Variants in PLPPR1 observed in about 807,000 individuals in gnomAD.
PLPPR1 encodes phospholipid phosphatase-related protein type 1.
In PLPPR1, 10 loss-of-function variants were observed where a neutral mutation model predicts 33.1. The ratio of observed to expected loss-of-function variants is 0.30; its 90% CI spans 0.19 to 0.51. The LOEUF (loss-of-function observed/expected upper bound fraction) is 0.51, where lower values mean the gene tolerates loss of function less well. Ranked by LOEUF, PLPPR1 falls within the 20% of genes least tolerant of loss-of-function variation. The probability of loss-of-function intolerance (pLI) is 0.97; values close to 1 mark genes in which losing one functional copy is unlikely to be tolerated. For synonymous variants in PLPPR1, 151 were observed against 151.0 expected, an observed-to-expected ratio of 1.00 and a Z score of 0.00; for missense variants, 304 against 408.1, an observed-to-expected ratio of 0.74 and a Z score of 2.20.
At chr9:101,180,261 C>A (rs768220491) in intron 1 of PLPPR1, among the ~76,000 whole-genome samples, 18 of 148,408 alleles carry the variant, frequency 1.2e-4, no homozygotes, top group Non-Finnish European at 1.6e-4. Flanking sequence ...TGATTATGTC[C>A]CTCTGGAAAA....
intron 3 of PLPPR1, among the ~76,000 whole-genome samples, chr9:101,284,714 TTC>T (rs1265005120): frequency 6.6e-6 from 1 of 152,196 alleles, no homozygotes; most frequent in Non-Finnish European, 1.5e-5. Flanking sequence ...ACTTTTTAAT[TTC>T]TGTTATCCAT....
chr9:101,178,747 A>T (rs2915415), intron 1 of PLPPR1, among the ~76,000 whole-genome samples: 1 of 152,102 alleles, frequency 6.6e-6, no homozygotes, highest in Non-Finnish European at 1.5e-5. Context: ...CCAGAAGGCC[A>T]TGTATGCTCC....
At chr9:101,109,852 C>T (rs772004081) in intron 1 of PLPPR1, among the ~76,000 whole-genome samples, 29 of 152,038 alleles carry the variant, frequency 1.9e-4, no homozygotes, top group Non-Finnish European at 3.1e-4. Flanking sequence ...TAATATCTGC[C>T]ACTGGGCAGA....
intron 1 of PLPPR1, among the ~76,000 whole-genome samples, chr9:101,047,622 AT>A (rs1170681333): frequency 6.6e-6 from 1 of 151,300 alleles, no homozygotes; most frequent in East Asian, 1.9e-4. Context: ...CTCTCTTTTC[AT>A]TTTTTCAGCT....
intron 1 of PLPPR1, among the ~76,000 whole-genome samples, chr9:101,181,113 G>GATATATATTAGATATATTATATATCTA (rs1359144599): frequency 8.9e-4 from 131 of 146,760 alleles, no homozygotes; most frequent in African/African-American, 2.6e-3. Context: ...ATGGCCAACA[G>GATATATATTAGATATATTATATATCTA]ATATATATTA....
intron 2 of PLPPR1, among the ~76,000 whole-genome samples, chr9:101,200,006 C>T (rs1191268985): frequency 6.6e-6 from 1 of 152,182 alleles, no homozygotes. Flanking sequence ...CTCATTTTCT[C>T]ATGATCTATC....
Position 101,175,351 on chromosome 9 carries a change from A to C in PLPPR1, c.-45-10099A>C, listed in dbSNP as rs561017111. ...TTGGCATAAAACTGAATATATTAATATTATATATTGAAAACATTTTTGTCT... is the reference window on the plus strand; with the variant it reads ...TTGGCATAAAACTGAATATATTAATCTTATATATTGAAAACATTTTTGTCT... On this transcript the variant is annotated intron_variant, in intron 1 of 7. Transcript: ENST00000374874. 2.6e-5 allele frequency among the ~76,000 whole-genome samples: 4 copies of C among 152,232 alleles called. No homozygotes were observed. In the South Asian group the frequency reaches 8.3e-4, roughly 32 times the overall value.
intron 1 of PLPPR1, among the ~76,000 whole-genome samples, chr9:101,147,687 T>G (rs2118643753): frequency 6.6e-6 from 1 of 152,300 alleles, no homozygotes; most frequent in African/African-American, 2.4e-5. Context: ...GCAGGTATTT[T>G]GGGAGTGTGG....
intron 2 of PLPPR1, among the ~76,000 whole-genome samples, chr9:101,221,012 A>G (rs1419931706): frequency 6.6e-6 from 1 of 152,214 alleles, no homozygotes; most frequent in Non-Finnish European, 1.5e-5. Flanking sequence ...AACAATGTTA[A>G]CATGACTCCT....
At chr9:101,159,222 A>G (rs1380788533) in intron 1 of PLPPR1, among the ~76,000 whole-genome samples, 2 of 152,216 alleles carry the variant, frequency 1.3e-5, no homozygotes, top group East Asian at 1.9e-4. Context: ...CAGAATTCAT[A>G]TCCTTAGGAA....
At chr9:101,266,264 T>TA (rs1290960697) in intron 2 of PLPPR1, among the ~76,000 whole-genome samples, 7 of 151,428 alleles carry the variant, frequency 4.6e-5, no homozygotes, top group Admixed American at 2.0e-4. Flanking sequence ...TTGTCTCTAC[T>TA]AAAAATACAA....
chr9:101,044,151 G>A (rs781123397), intron 1 of PLPPR1, among the ~76,000 whole-genome samples: 2 of 152,122 alleles, frequency 1.3e-5, no homozygotes, highest in East Asian at 1.9e-4. Context: ...TACAAGGAAC[G>A]CAAACAAATT....
intron 2 of PLPPR1, among the ~76,000 whole-genome samples, chr9:101,231,043 A>G (rs948198950): frequency 1.4e-4 from 21 of 152,076 alleles, no homozygotes; most frequent in African/African-American, 5.1e-4. Flanking sequence ...CCTCTGTCAT[A>G]TTAGGAATTA....
intron 1 of PLPPR1, among the ~76,000 whole-genome samples, chr9:101,167,186 T>TTC (rs1343906630): frequency 3.9e-4 from 9 of 23,190 alleles, no homozygotes; most frequent in Admixed American, 7.9e-4. Context: ...GTGTGTGTCT[T>TTC]TCTCTCTCTC....
intron 1 of PLPPR1, among the ~76,000 whole-genome samples, chr9:101,153,072 C>T (rs1008424837): frequency 4.7e-4 from 72 of 152,244 alleles, no homozygotes; most frequent in African/African-American, 1.7e-3. Flanking sequence ...TCTTTTATTT[C>T]CTTGAGCAGT....
chr9:101,239,371 G>A (rs1827404106), intron 2 of PLPPR1, among the ~76,000 whole-genome samples: 1 of 151,726 alleles, frequency 6.6e-6, no homozygotes, highest in African/African-American at 2.4e-5. Context: ...GACTAGAGGT[G>A]GGAGAGAGGG....
At chr9:101,144,572 G>T (rs751719525) in intron 1 of PLPPR1, among the ~76,000 whole-genome samples, 1 of 151,998 alleles carries the variant, frequency 6.6e-6, no homozygotes, top group Non-Finnish European at 1.5e-5. Context: ...AAGGAGAGAG[G>T]TCTCAGAAAA....
chr9:101,037,751 C>T (rs977103599), intron 1 of PLPPR1, among the ~76,000 whole-genome samples: 1 of 151,846 alleles, frequency 6.6e-6, no homozygotes, highest in Non-Finnish European at 1.5e-5. Flanking sequence ...CCTTTTCATT[C>T]ACACTTGTAT....
At chr9:101,085,111 C>A (rs1187827764) in intron 1 of PLPPR1, among the ~76,000 whole-genome samples, 1 of 152,158 alleles carries the variant, frequency 6.6e-6, no homozygotes, top group South Asian at 2.1e-4. Context: ...AATGGATAGC[C>A]ATGATCTCCT....
Sources: allele counts gnomAD v4.1 joint callset (sites outside exome capture counted in the v4.1 genomes callset), GRCh38; gene constraint gnomAD v4.1.1; transcripts MANE v1.5; gene names NCBI Gene and HGNC (gene_info 2026-07-23, HGNC 2026-07-21).